The following JARID2 variants were observed in gnomAD, a reference collection of about 807,000 sequenced individuals.
JARID2 encodes the protein protein Jumonji.
A neutral mutation model predicts 125.6 loss-of-function variants in JARID2; 21 were observed. The observed-to-expected ratio is 0.17, with a 90% confidence interval of 0.12 to 0.24. JARID2 has a LOEUF of 0.24. Among genes scored for constraint, JARID2 ranks in the 10% least tolerant of loss-of-function variants. JARID2 has a pLI of 1.00. For synonymous variants in JARID2, 736 were observed against 661.6 expected (o/e 1.11, Z -1.73); for missense variants, 1,303 against 1,639.6 (o/e 0.79, Z 3.55).
At chr6:15,423,001 T>C (rs1319948867) in intron 3 of JARID2, among the ~76,000 whole-genome samples, 2 of 151,176 alleles carry the variant, frequency 1.3e-5, no homozygotes, top group African/African-American at 4.9e-5. Context: ...TTTTTTTTTT[T>C]TTTTAAACAT....
chr6:15,274,654 G>T (rs59272746), intron 1 of JARID2, among the ~76,000 whole-genome samples: 11,611 of 152,194 alleles, frequency 0.076, 454 homozygotes, highest in Admixed American at 0.11. Context: ...TTTTGTGTGT[G>T]AAGGGGTGAC....
intron 2 of JARID2, 65 bp from the exon 3 acceptor site, chr6:15,410,159 C>G: frequency 6.8e-7 from 1 of 1,461,528 alleles, no homozygotes; most frequent in South Asian, 1.2e-5. Context: ...GTAGGGTTAA[C>G]TGTGGTAAAG....
intron 2 of JARID2, among the ~76,000 whole-genome samples, chr6:15,398,879 C>T (rs533054310): frequency 6.6e-6 from 1 of 152,298 alleles, no homozygotes; most frequent in South Asian, 2.1e-4. Context: ...TTCTGGCCAA[C>T]TGTTTATGTC....
Position 15,501,273 on chromosome 6 carries a change from G to T in JARID2, c.2312G>T (p.Arg771Leu). ...IHGVAPRNGFRSKLKEVGQAQ... is the reference protein window; with the variant it reads ...IHGVAPRNGFLSKLKEVGQAQ... ...GGCGTGGCCCCCAGGAACGGCTTCC[G>T]CAGCAAGCTCAAGGAGGTGGGCCAG... The change falls in exon 8 of 18, where the codon CGC becomes CTC. Residue 771 changes from arginine (R) to leucine (L), a missense_variant. Around this residue, in one of 11 missense-constraint regions of JARID2, gnomAD observed 124 missense variants for 131.0 expected, o/e 0.95. Coordinates refer to ENST00000341776, the MANE Select transcript of JARID2 (RefSeq NM_004973.4). 6.2e-7 allele frequency: 1 copy of T among 1,613,534 alleles called. No homozygotes were observed. The highest frequency in any genetic ancestry group is 1.1e-5 in the South Asian group (1 of 91,084).
intron 16 of JARID2, among the ~76,000 whole-genome samples, chr6:15,516,479 G>A (rs913207883): frequency 6.6e-6 from 1 of 152,218 alleles, no homozygotes; most frequent in Admixed American, 6.5e-5. Flanking sequence ...GCAGCAGGGT[G>A]TCCACTGGCG....
intron 1 of JARID2, chr6:15,247,501 GTGATTAGCTGCA>G: frequency 1.0e-6 from 1 of 980,442 alleles, no homozygotes; most frequent in Non-Finnish European, 1.2e-6. Context: ...CGAGTGATCT[GTGATTAGCTGCA>G]TGCTTTAAAT....
At chr6:15,259,315 C>T (rs1401140502) in intron 1 of JARID2, among the ~76,000 whole-genome samples, 1 of 152,190 alleles carries the variant, frequency 6.6e-6, no homozygotes, top group East Asian at 1.9e-4. Context: ...GTTCTATTTT[C>T]AGCTTGTAAT....
chr6:15,477,721 C>T (rs956409834), intron 5 of JARID2, among the ~76,000 whole-genome samples: 1 of 152,084 alleles, frequency 6.6e-6, no homozygotes, highest in Non-Finnish European at 1.5e-5. Flanking sequence ...AAGAAGAGAT[C>T]ATAGGTTTTG....
intron 1 of JARID2, among the ~76,000 whole-genome samples, chr6:15,336,714 C>T (rs1762891239): frequency 6.8e-6 from 1 of 146,948 alleles, no homozygotes; most frequent in Non-Finnish European, 1.5e-5. Flanking sequence ...GTTATTTTTA[C>T]ATTTGTTTTT....
In JARID2 at chr6:15,289,316, CCTT is replaced by C. The variant is rs1441680760; in HGVS notation, c.45+42736_45+42738del. Among the ~76,000 whole-genome samples the C allele has an allele frequency of 5.9e-5, 9 of 152,270 alleles. No homozygotes were observed. The East Asian group carries it at 9.6e-4, about 16-fold the overall frequency. ...AACACTGTCAGCAGTAGTCTGGTGT[CCTT>C]CTTTTGTGGGTAACTGTCTAAAAAG... is the stretch of plus-strand genomic sequence containing the variant. On this transcript the variant is annotated intron_variant, in intron 1 of 17. Transcript: ENST00000341776.
intron 2 of JARID2, among the ~76,000 whole-genome samples, chr6:15,405,111 A>C (rs568074025): frequency 6.6e-6 from 1 of 152,274 alleles, no homozygotes; most frequent in South Asian, 2.1e-4. Context: ...TTTGTGTTTC[A>C]ATTTTCCCAA....
chr6:15,320,852 C>CTGTGTGTGTG (rs71944757), intron 1 of JARID2, among the ~76,000 whole-genome samples: 10,708 of 145,274 alleles, frequency 0.074, 436 homozygotes, highest in Non-Finnish European at 0.091. Flanking sequence ...CTCTCTCTCT[C>CTGTGTGTGTG]TGTGTGTGTG....
intron 5 of JARID2, among the ~76,000 whole-genome samples, chr6:15,482,879 A>G (rs181655578): frequency 3.6e-4 from 55 of 152,238 alleles, no homozygotes; most frequent in Admixed American, 6.5e-4. Context: ...GTAGCATCCT[A>G]TGTTGTTCAT....
chr6:15,387,288 G>T (rs185477428), intron 2 of JARID2, among the ~76,000 whole-genome samples: 1 of 152,228 alleles, frequency 6.6e-6, no homozygotes, highest in African/African-American at 2.4e-5. Flanking sequence ...TTGCGGCTGT[G>T]GTGAAAGTCT....
At chr6:15,307,480 A>G (rs1761873088) in intron 1 of JARID2, among the ~76,000 whole-genome samples, 1 of 152,048 alleles carries the variant, frequency 6.6e-6, no homozygotes, top group Non-Finnish European at 1.5e-5. Flanking sequence ...GTGACTCCCA[A>G]AGTTCTGGGA....
chr6:15,401,202 T>G (rs1765420069), intron 2 of JARID2, among the ~76,000 whole-genome samples: 1 of 152,100 alleles, frequency 6.6e-6, no homozygotes, highest in African/African-American at 2.4e-5. Flanking sequence ...TGTTGCAATT[T>G]GCTTAATATT....
intron 2 of JARID2, among the ~76,000 whole-genome samples, chr6:15,385,525 A>G (rs1764751920): frequency 6.6e-6 from 1 of 150,534 alleles, no homozygotes; most frequent in African/African-American, 2.4e-5. Context: ...TTTTATAGAT[A>G]TTATTTTATA....
At chr6:15,336,153 C>T (rs1409482458) in intron 1 of JARID2, among the ~76,000 whole-genome samples, 1 of 152,164 alleles carries the variant, frequency 6.6e-6, no homozygotes, top group East Asian at 1.9e-4. Context: ...CCTTTATCAT[C>T]CCAGAAGAGA....
chr6:15,254,597 G>C (rs138877299), intron 1 of JARID2, among the ~76,000 whole-genome samples: 2 of 152,110 alleles, frequency 1.3e-5, no homozygotes, highest in Non-Finnish European at 2.9e-5. Context: ...CTTGAGAGCT[G>C]GTGCTGCCTA....
Sources: allele counts gnomAD v4.1 joint callset (sites outside exome capture counted in the v4.1 genomes callset), GRCh38; gene constraint gnomAD v4.1.1; regional missense constraint gnomAD v4.1.1; transcripts MANE v1.5; gene names NCBI Gene and HGNC (gene_info 2026-07-23, HGNC 2026-07-21).